SLC10A2: variants seen among roughly 807,000 people sequenced by gnomAD.
The protein encoded by SLC10A2 is solute carrier family 10 member 2, also known as ileal sodium/bile acid cotransporter.
SLC10A2 carries 34 observed loss-of-function variants against 27.1 expected under a neutral mutation model. That is an observed-to-expected ratio of 1.26 (90% CI 0.96 to 1.67). The LOEUF is 1.67. SLC10A2 is among the 40% of genes most tolerant of loss of function. The pLI is 0.00. For missense variants in SLC10A2, 530 were observed against 444.4 expected (o/e 1.19, Z -1.73); for synonymous variants, 205 against 174.0 (o/e 1.18, Z -1.40).
rs759335683 is a variant in SLC10A2, at chr13:103,065,863, A to C, written c.377+10T>G. ...GTGATTGCAGTAGTTAGAGGTATAGATAATCTTACCTCAGGTCCATGTCGC... is the reference window on the plus strand; with the variant it reads ...GTGATTGCAGTAGTTAGAGGTATAGCTAATCTTACCTCAGGTCCATGTCGC... On this transcript the variant is annotated intron_variant, in intron 1 of 5. Transcript: ENST00000245312. 5.0e-6 allele frequency: 8 copies of C among 1,613,778 alleles called. No individual in the cohort carries two copies. In the African/African-American group the frequency reaches 8.0e-5, roughly 16 times the overall value.
rs1272070333 is a variant in SLC10A2 at position 103,044,054 on chromosome 13, G to C, written c.*2079C>G. 1 of 152,084 alleles carries C rather than the reference G, an allele frequency of 6.6e-6. No individual in the cohort carries two copies. The highest frequency in any genetic ancestry group is 2.4e-5 in the African/African-American group (1 of 41,408). 9.4% of individuals were successfully genotyped at this position (152,084 alleles called of 1,614,324 possible). On this transcript the variant is annotated 3_prime_UTR_variant, in exon 6 of 6. Transcript: ENST00000245312. ...TTAAAATAAAATATTCATTTAATATGATACTCAGAGGCAATAAAATACATA... is the reference window on the plus strand; with the variant it reads ...TTAAAATAAAATATTCATTTAATATCATACTCAGAGGCAATAAAATACATA...
chr13:103,064,360 G>A (rs1307201975), intron 1 of SLC10A2, among the ~76,000 whole-genome samples: 1 of 152,146 alleles, frequency 6.6e-6, no homozygotes, highest in African/African-American at 2.4e-5. Flanking sequence ...AATGTAACTT[G>A]GAGCTTTTAG....
In SLC10A2 at chr13:103,049,461, A is replaced by G; in HGVS notation, c.762-15T>C. 1.9e-6 allele frequency: 3 copies of G among 1,613,612 alleles called. No individual in the cohort carries two copies. The highest frequency in any genetic ancestry group is 2.5e-6 in the Non-Finnish European group (3 of 1,179,658). On this transcript the variant is annotated splice_polypyrimidine_tract_variant and intron_variant, in intron 4 of 5. Coordinates refer to ENST00000245312, the MANE Select transcript of SLC10A2 (RefSeq NM_000452.3). Reference sequence around the variant, plus strand: ...CCGTTCGGCACCTAAAGAAGATGTTAAGAGAGCACATGTTTTAGTAGTTTT... The same window carrying G: ...CCGTTCGGCACCTAAAGAAGATGTTGAGAGAGCACATGTTTTAGTAGTTTT...
At position 103,051,409 on chromosome 13, in the gene SLC10A2, G is replaced by C. The variant is rs199970115; in HGVS notation, c.609C>G (p.Ile203Met). The C allele has an allele frequency of 1.9e-6, 3 of 1,613,976 alleles. No individual in the cohort carries two copies. Among genetic ancestry groups the C allele is most frequent in the Non-Finnish European group, 2.5e-6 (3 of 1,179,958 alleles). Residue 203 changes from isoleucine (I) to methionine (M), a missense_variant, in exon 4 of 6, where the codon ATC (isoleucine) becomes ATG (methionine). Transcript: ENST00000245312. ...ILKIGSIAGA[I>M]LIVLIAVVGG... ...CAACCACAGCTATGAGCACAATGAG[G>C]ATGGCGCCCGCGATGGACCCAATCT...
rs201887831 is a variant in SLC10A2, at chr13:103,049,407, C to G, written c.801G>C (p.Thr267=). Residue 267 remains threonine (T), a synonymous_variant, in exon 5 of 6, where the codon ACG becomes ACC. Transcript: ENST00000245312. ...GCTGAACGATGGTGGAACATAGCTG[C>G]GTGTTCTGCATCCCCGTTTCAAAAG... The part of the protein sequence containing the change: ...TVAFETGMQN[T]QLCSTIVQLS... 1.2e-6 allele frequency: 2 copies of G among 1,613,844 alleles called. No homozygotes were observed. The highest frequency in any genetic ancestry group is 1.3e-5 in the African/African-American group (1 of 74,868).
rs186079815 is a variant in SLC10A2 at position 103,064,046 on chromosome 13, G to A, written c.377+1827C>T. On this transcript the variant is annotated intron_variant, in intron 1 of 5. Coordinates refer to ENST00000245312, the MANE Select transcript of SLC10A2 (RefSeq NM_000452.3). ...ACTTTAAAATAAAAATAGTTAAGTC[G>A]GTCCCGCATGAGGAGCATTTATGAG... 1.8e-4 allele frequency among the ~76,000 whole-genome samples: 28 copies of A among 152,190 alleles called. No homozygotes were observed. The East Asian group carries it at 3.7e-3, about 20-fold the overall frequency.
intron 2 of SLC10A2, among the ~76,000 whole-genome samples, chr13:103,057,687 T>C (rs1875979508): frequency 6.6e-6 from 1 of 152,144 alleles, no homozygotes; most frequent in African/African-American, 2.4e-5. Context: ...GAGACCAGCC[T>C]GACCAACATG....
At chr13:103,050,391 A>G (rs1875743895) in intron 4 of SLC10A2, among the ~76,000 whole-genome samples, 1 of 152,018 alleles carries the variant, frequency 6.6e-6, no homozygotes, top group African/African-American at 2.4e-5. Flanking sequence ...CTGTCCCTAC[A>G]CCTGTGTTCT....
At chr13:103,049,215 T>TA (rs1302452156) in intron 5 of SLC10A2, 74 bp downstream of exon 5, 2 of 1,539,278 alleles carry the variant, frequency 1.3e-6, no homozygotes, top group South Asian at 1.1e-5. Flanking sequence ...CGGGGAGTTT[T>TA]AAAAAAATGT....
Position 103,061,737 on chromosome 13 carries a change from A to G in SLC10A2, c.378-3355T>C, listed in dbSNP as rs9586057. Among the ~76,000 whole-genome samples, 587 of 152,298 alleles carry G rather than the reference A, an allele frequency of 3.9e-3. 4 individuals are homozygous for G. The highest frequency in any genetic ancestry group is 0.014 in the African/African-American group (564 of 41,576). On this transcript the variant is annotated intron_variant, in intron 1 of 5. Transcript: ENST00000245312. Reference sequence around the variant, plus strand: ...ACTTGTGAGCAGCACTGACGAAGAGACCTTGCAGATGAACAGACGAATAGG... The same window carrying G: ...ACTTGTGAGCAGCACTGACGAAGAGGCCTTGCAGATGAACAGACGAATAGG...
chr13:103,045,954 G>A lies in SLC10A2; in HGVS notation c.*179C>T. 1 of 609,344 alleles carries A rather than the reference G, an allele frequency of 1.6e-6. No individual in the cohort carries two copies. Among genetic ancestry groups the A allele is most frequent in the East Asian group, 3.0e-5 (1 of 33,898 alleles). 37.7% of individuals were successfully genotyped at this position (609,344 alleles called of 1,614,324 possible). A position where few individuals can be genotyped will look rare whatever the true frequency, so the allele number is the denominator to read the frequency against. ...TACATATATATAGGAAACAATATTTGTCCCATTAAAGAATTGGGCCACCAG... is the reference window on the plus strand; with the variant it reads ...TACATATATATAGGAAACAATATTTATCCCATTAAAGAATTGGGCCACCAG... On this transcript the variant is annotated 3_prime_UTR_variant, in exon 6 of 6. Transcript: ENST00000245312.
intron 1 of SLC10A2, 26 bp from the exon 2 acceptor site, chr13:103,058,408 C>T (rs1876006449): frequency 2.3e-6 from 3 of 1,317,706 alleles, no homozygotes; most frequent in Admixed American, 3.4e-5. Context: ...CAGATTGATA[C>T]ATCCACCTGT....
At chr13:103,049,034 G>A (rs1191628642) in intron 5 of SLC10A2, among the ~76,000 whole-genome samples, 1 of 152,174 alleles carries the variant, frequency 6.6e-6, no homozygotes, top group Non-Finnish European at 1.5e-5. Flanking sequence ...CCTTATTACT[G>A]AGGAAAAGAA....
At position 103,066,292 on chromosome 13, in the gene SLC10A2, G is replaced by A; in HGVS notation, c.-43C>T. The A allele has an allele frequency of 6.4e-7, 1 of 1,560,940 alleles. No individual in the cohort carries two copies. Among genetic ancestry groups the A allele is most frequent in the Non-Finnish European group, 8.7e-7 (1 of 1,152,922 alleles). On this transcript the variant is annotated 5_prime_UTR_variant, in exon 1 of 6. Coordinates refer to ENST00000245312, the MANE Select transcript of SLC10A2 (RefSeq NM_000452.3). The stretch of plus-strand genomic sequence containing the variant: ...GAAAGGCCAAGTCCACAGAAGCGCT[G>A]GTCCCTGGGCCCTGGCTCTGCTGCT...
At chr13:103,050,538 G>T (rs1471363935) in intron 4 of SLC10A2, among the ~76,000 whole-genome samples, 2 of 152,210 alleles carry the variant, frequency 1.3e-5, no homozygotes, top group African/African-American at 2.4e-5. Context: ...AGGAACGCTT[G>T]TCTATTCCAA....
intron 2 of SLC10A2, among the ~76,000 whole-genome samples, chr13:103,054,677 C>A (rs1875890836): frequency 6.6e-6 from 1 of 152,132 alleles, no homozygotes; most frequent in African/African-American, 2.4e-5. Flanking sequence ...AAATCCATGG[C>A]AGAATTGCTT....
intron 1 of SLC10A2, among the ~76,000 whole-genome samples, chr13:103,060,727 C>G (rs1251436455): frequency 6.6e-6 from 1 of 152,014 alleles, no homozygotes; most frequent in East Asian, 1.9e-4. Context: ...TTGTGTTCCA[C>G]CAAATAGAAT....
At chr13:103,052,730 T>G in intron 2 of SLC10A2, 22 bp from the exon 3 acceptor site, 2 of 1,415,788 alleles carry the variant, frequency 1.4e-6, no homozygotes, top group Non-Finnish European at 2.0e-6. Flanking sequence ...AGAAGGGCAA[T>G]GTGATCAGCA....
intron 5 of SLC10A2, among the ~76,000 whole-genome samples, chr13:103,048,371 A>G (rs1433346179): frequency 1.3e-5 from 2 of 150,996 alleles, no homozygotes; most frequent in African/African-American, 2.4e-5. Context: ...TGCCTGGACG[A>G]CAGAGTGAGG....
Sources: allele counts gnomAD v4.1 joint callset (sites outside exome capture counted in the v4.1 genomes callset), GRCh38; gene constraint gnomAD v4.1.1; transcripts MANE v1.5; gene names NCBI Gene and HGNC (gene_info 2026-07-23, HGNC 2026-07-21).